The following PAM variants were observed in gnomAD, a reference collection of about 807,000 sequenced individuals.
The protein encoded by PAM is peptidylglycine alpha-amidating monooxygenase, also known as peptidyl-glycine alpha-amidating monooxygenase.
Under a neutral mutation model 122.1 loss-of-function variants are expected in PAM, and 72 were observed. The observed-to-expected ratio is 0.59, with a 90% confidence interval of 0.49 to 0.72. The LOEUF is 0.72. Ranked by LOEUF, PAM falls within the 30% of genes least tolerant of loss-of-function variation. PAM has a pLI of 0.00. For synonymous variants in PAM, 389 were observed against 404.4 expected, an observed-to-expected ratio of 0.96 and a Z score of 0.46; for missense variants, 1,106 against 1,183.7, an observed-to-expected ratio of 0.93 and a Z score of 0.96.
At chr5:102,969,434 C>T (rs1458755480) in intron 14 of PAM, among the ~76,000 whole-genome samples, 1 of 152,064 alleles carries the variant, frequency 6.6e-6, no homozygotes, top group African/African-American at 2.4e-5. Flanking sequence ...CTTTTAATAC[C>T]ATCCTAGACA....
chr5:102,887,858 C>T (rs985446834), intron 3 of PAM, among the ~76,000 whole-genome samples: 2 of 151,906 alleles, frequency 1.3e-5, no homozygotes, highest in Admixed American at 1.3e-4. Context: ...AATACCTTCT[C>T]ATCTTTCAGA....
At chr5:102,960,328 C>A (rs1562041435) in intron 13 of PAM, among the ~76,000 whole-genome samples, 1 of 151,908 alleles carries the variant, frequency 6.6e-6, no homozygotes, top group Non-Finnish European at 1.5e-5. Flanking sequence ...GACCTTTTTT[C>A]ACTTAATTCA....
chr5:102,867,094 G>A (rs1225931226), intron 2 of PAM, among the ~76,000 whole-genome samples, 179 bp from the exon 3 acceptor site: 1 of 151,980 alleles, frequency 6.6e-6, no homozygotes, highest in Non-Finnish European at 1.5e-5. Flanking sequence ...ATTGTTATTG[G>A]ACTATAAAAT....
intron 3 of PAM, among the ~76,000 whole-genome samples, chr5:102,888,988 T>A (rs1243680405): frequency 6.6e-6 from 1 of 151,988 alleles, no homozygotes; most frequent in Admixed American, 6.6e-5. Flanking sequence ...TGTTTTAAAA[T>A]AAAAGTTTTT....
chr5:102,929,850 T>C (rs1309201774), intron 7 of PAM, among the ~76,000 whole-genome samples: 1 of 150,228 alleles, frequency 6.7e-6, no homozygotes, highest in African/African-American at 2.5e-5. Context: ...TAAAACATTA[T>C]GAGATGTTTT....
In PAM at chr5:102,845,257, A is replaced by T. The variant is rs186753719; in HGVS notation, c.-373-20566A>T. ...TGAGAGGAGGGGCACATGAAATGAG[A>T]GACAAAGAAAGCGTTGTCAGGCTAT... On this transcript the variant is annotated intron_variant, in intron 1 of 25. Transcript: ENST00000438793. 2.6e-5 allele frequency among the ~76,000 whole-genome samples: 4 copies of T among 152,358 alleles called. No individual in the cohort carries two copies. The East Asian group carries it at 7.7e-4, about 29-fold the overall frequency.
intron 2 of PAM, chr5:102,866,502 T>C (rs1785611303): frequency 3.6e-6 from 2 of 556,792 alleles, no homozygotes; most frequent in East Asian, 3.1e-5. Flanking sequence ...TTAGAAGTTG[T>C]GATTTCCAAA....
At chr5:102,833,477 T>C (rs1047654973) in intron 1 of PAM, among the ~76,000 whole-genome samples, 5 of 152,108 alleles carry the variant, frequency 3.3e-5, no homozygotes, top group Non-Finnish European at 7.4e-5. Context: ...TACAGAATAA[T>C]GTGGAAGGGA....
At chr5:102,825,667 A>T (rs1485505973) in intron 1 of PAM, among the ~76,000 whole-genome samples, 5 of 152,124 alleles carry the variant, frequency 3.3e-5, no homozygotes, top group African/African-American at 1.2e-4. Context: ...CCTGTACAAC[A>T]TAGTGAGATT....
At chr5:102,821,197 T>C (rs1017101085) in intron 1 of PAM, among the ~76,000 whole-genome samples, 4 of 152,250 alleles carry the variant, frequency 2.6e-5, no homozygotes, top group African/African-American at 9.6e-5. Flanking sequence ...AGAAGAGTTT[T>C]AACCTTCTTT....
intron 1 of PAM, among the ~76,000 whole-genome samples, chr5:102,802,075 G>A (rs530709812): frequency 9.9e-5 from 15 of 152,160 alleles, no homozygotes; most frequent in African/African-American, 3.1e-4. Context: ...GAGCCACCGC[G>A]CCCGGCCGGG....
chr5:102,793,802 C>G (rs1181461616), intron 1 of PAM, among the ~76,000 whole-genome samples: 1 of 152,028 alleles, frequency 6.6e-6, no homozygotes, highest in Non-Finnish European at 1.5e-5. Context: ...ATTAATTTAT[C>G]AATTTGTAGT....
chr5:102,950,981 A>G (rs1460001448), intron 12 of PAM, among the ~76,000 whole-genome samples, 161 bp downstream of exon 12: 1 of 152,146 alleles, frequency 6.6e-6, no homozygotes, highest in Non-Finnish European at 1.5e-5. Context: ...ATTGATTCAG[A>G]TAAACCCCAG....
chr5:102,941,833 C>CAAAAAAAAAA (rs70990420), intron 7 of PAM, among the ~76,000 whole-genome samples: 1 of 58,376 alleles, frequency 1.7e-5, no homozygotes, highest in Non-Finnish European at 3.1e-5. Flanking sequence ...CCAGATGGTA[C>CAAAAAAAAAA]AAAAAAAAAA....
intron 1 of PAM, among the ~76,000 whole-genome samples, chr5:102,855,319 A>G (rs1360387281): frequency 6.6e-6 from 1 of 152,226 alleles, no homozygotes; most frequent in Non-Finnish European, 1.5e-5. Flanking sequence ...AAGTACTGTA[A>G]TAATACAGCT....
chr5:102,853,364 T>C (rs1261381644), intron 1 of PAM, among the ~76,000 whole-genome samples: 3 of 152,174 alleles, frequency 2.0e-5, no homozygotes, highest in African/African-American at 7.2e-5. Context: ...AGTATTTTAA[T>C]TTGGGTTTTT....
At chr5:102,948,186 C>T (rs1757628239) in intron 8 of PAM, among the ~76,000 whole-genome samples, 192 bp from the exon 9 acceptor site, 1 of 152,168 alleles carries the variant, frequency 6.6e-6, no homozygotes, top group African/African-American at 2.4e-5. Flanking sequence ...TTAGCTATCA[C>T]AGGAACCATT....
At chr5:102,910,881 G>A (rs1801202024) in intron 4 of PAM, among the ~76,000 whole-genome samples, 1 of 151,748 alleles carries the variant, frequency 6.6e-6, no homozygotes, top group South Asian at 2.1e-4. Flanking sequence ...GTGTTGTGTT[G>A]ACATCTCCTG....
In PAM at chr5:102,913,965, T is replaced by C. The variant is rs1262780941; in HGVS notation, c.300T>C (p.Thr100=). The change falls in exon 5 of 26, where the codon ACT becomes ACC. Residue 100 remains threonine (T), a synonymous_variant. Coordinates refer to ENST00000438793, the MANE Select transcript of PAM (RefSeq NM_001177306.2). ...IDFKPRASMD[T]VHHMLLFGCN... Reference sequence around the variant, plus strand: ...TCAAGCCTCGAGCCAGCATGGATACTGTCCATCACATGTTACTTTTTGGAT... The same window carrying C: ...TCAAGCCTCGAGCCAGCATGGATACCGTCCATCACATGTTACTTTTTGGAT... 5.0e-6 allele frequency: 8 copies of C among 1,607,678 alleles called. No homozygotes were observed. The African/African-American group carries it at 8.0e-5, about 16-fold the overall frequency.
Sources: allele counts gnomAD v4.1 joint callset (sites outside exome capture counted in the v4.1 genomes callset), GRCh38; gene constraint gnomAD v4.1.1; transcripts MANE v1.5; gene names NCBI Gene and HGNC (gene_info 2026-07-23, HGNC 2026-07-21).